Variants in ERICH3 observed in about 807,000 individuals in gnomAD.
ERICH3 encodes the protein glutamate rich 3.
A neutral mutation model predicts 131.1 loss-of-function variants in ERICH3; 126 were observed. The ratio of observed to expected loss-of-function variants is 0.96; its 90% CI spans 0.83 to 1.11. The LOEUF (loss-of-function observed/expected upper bound fraction) is 1.11. Among genes scored for constraint, ERICH3 ranks in the 50% most tolerant of loss-of-function variants. ERICH3 has a pLI of 0.00. For synonymous variants in ERICH3, 695 were observed against 644.6 expected (o/e 1.08, Z -1.18); for missense variants, 2,050 against 1,810.7 (o/e 1.13, Z -2.40).
chr1:74,579,052 G>T (rs967102869), intron 12 of ERICH3, among the ~76,000 whole-genome samples: 1 of 151,926 alleles, frequency 6.6e-6, no homozygotes. Flanking sequence ...AGATTATATC[G>T]ACTCAAGACA....
At chr1:74,580,047 C>T in intron 12 of ERICH3, 1 of 303,402 alleles carries the variant, frequency 3.3e-6, no homozygotes, top group Non-Finnish European at 4.8e-6. Context: ...TGTATTTTCC[C>T]TAAATATGGA....
chr1:74,656,306 T>G lies in ERICH3; in HGVS notation c.24-6991A>C, dbSNP rs150059655. ...ATCTAGGTTGCCTTAATAAATGCTT[T>G]GGACTGATGACCTTGGCATTTAGTG... is the stretch of plus-strand genomic sequence containing the variant. On this transcript the variant is annotated intron_variant, in intron 1 of 14. Transcript: ENST00000326665. Among the ~76,000 whole-genome samples, 18 of 152,300 alleles carry G rather than the reference T, an allele frequency of 1.2e-4. No individual in the cohort carries two copies. In the East Asian group the frequency reaches 3.3e-3, roughly 28 times the overall value.
chr1:74,598,811 A>T (rs1647978345), intron 11 of ERICH3, among the ~76,000 whole-genome samples: 2 of 151,912 alleles, frequency 1.3e-5, no homozygotes, highest in Non-Finnish European at 2.9e-5. Flanking sequence ...CTTGTTAGGA[A>T]TGTGAATTAT....
Position 74,649,292 on chromosome 1 carries a change from A to G in ERICH3, c.47T>C (p.Leu16Pro), listed in dbSNP as rs1416716892. ...PAGLLAAYNS[L>P]MDKHLAGYFN... The stretch of plus-strand genomic sequence containing the variant: ...ATACCCAGCCAGGTGTTTATCCATA[A>G]GGCTATTATATGCAGCAAGTAACCT... The change falls in exon 2 of 15, where the codon CTT becomes CCT. Residue 16 changes from leucine (L) to proline (P), a missense_variant. Coordinates refer to ENST00000326665, the MANE Select transcript of ERICH3 (RefSeq NM_001002912.5). 1.2e-6 allele frequency: 2 copies of G among 1,612,262 alleles called. No homozygotes were observed. The highest frequency in any genetic ancestry group is 1.7e-6 in the Non-Finnish European group (2 of 1,179,092).
intron 11 of ERICH3, among the ~76,000 whole-genome samples, chr1:74,595,446 T>C (rs1647802365): frequency 6.6e-6 from 1 of 152,132 alleles, no homozygotes; most frequent in Non-Finnish European, 1.5e-5. Context: ...GACAAGTATA[T>C]GTAAGAATAC....
At chr1:74,656,703 C>A (rs1646588110) in intron 1 of ERICH3, among the ~76,000 whole-genome samples, 1 of 152,200 alleles carries the variant, frequency 6.6e-6, no homozygotes, top group South Asian at 2.1e-4. Context: ...AAAATACCCA[C>A]ATAGAATCTG....
chr1:74,572,470 C>G lies in ERICH3; in HGVS notation c.3240G>C (p.Val1080=). The G allele has an allele frequency of 6.2e-7, 1 of 1,614,122 alleles. No individual in the cohort carries two copies. Among genetic ancestry groups the G allele is most frequent in the Non-Finnish European group, 8.5e-7 (1 of 1,180,026 alleles). ...LRKTDSEREE[V]TRANALKDED... is the part of the protein sequence containing the mutation. Reference sequence around the variant, plus strand: ...CATCCTTGAGTGCATTTGCCCTTGTCACCTCTTCTCTCTCAGAGTCAGTTT... The same window carrying G: ...CATCCTTGAGTGCATTTGCCCTTGTGACCTCTTCTCTCTCAGAGTCAGTTT... The change falls in exon 14 of 15, where the codon GTG becomes GTC. Residue 1080 remains valine, a synonymous_variant. Transcript: ENST00000326665.
rs575527180 is a variant in ERICH3, at chr1:74,614,759, C to T, written c.1001-1950G>A. On this transcript the variant is annotated intron_variant, in intron 8 of 14. Coordinates refer to ENST00000326665, the MANE Select transcript of ERICH3 (RefSeq NM_001002912.5). ...AAAAAGGTAATTCAGTCATTTATAC[C>T]TTAGTATTTCTGATGTAAAATTAAA... 2.0e-5 allele frequency among the ~76,000 whole-genome samples: 3 copies of T among 151,646 alleles called. No homozygotes were observed. The East Asian group carries it at 5.8e-4, about 29-fold the overall frequency.
In ERICH3 at chr1:74,599,775, T is replaced by A. The variant is rs144693779; in HGVS notation, c.1646A>T (p.Gln549Leu). The A allele has an allele frequency of 8.9e-5, 143 of 1,612,540 alleles. No individual in the cohort carries two copies. In the African/African-American group the frequency reaches 1.8e-3, roughly 20 times the overall value. Residue 549 changes from glutamine to leucine, a missense_variant, in exon 11 of 15, where the codon CAG becomes CTG. Coordinates refer to ENST00000326665, the MANE Select transcript of ERICH3 (RefSeq NM_001002912.5). ...DPEKESETSS[Q>L]KAPDARDNVK... ...ATTGTCACGGGCATCTGGTGCCTTCTGTGATGAGGTTTCACTCTCTTTTTC... is the reference window on the plus strand; with the variant it reads ...ATTGTCACGGGCATCTGGTGCCTTCAGTGATGAGGTTTCACTCTCTTTTTC...
chr1:74,671,214 C>T (rs1194176275), intron 1 of ERICH3, among the ~76,000 whole-genome samples: 2 of 92,484 alleles, frequency 2.2e-5, no homozygotes, highest in African/African-American at 6.8e-5. Flanking sequence ...TTGTCCTTTA[C>T]CTTGTGATCT....
At chr1:74,671,510 C>A (rs1157179978) in intron 1 of ERICH3, among the ~76,000 whole-genome samples, 1 of 152,180 alleles carries the variant, frequency 6.6e-6, no homozygotes, top group South Asian at 2.1e-4. Flanking sequence ...CTGTAAAATT[C>A]CTCTCTTTAT....
intron 11 of ERICH3, among the ~76,000 whole-genome samples, chr1:74,590,882 A>G (rs1301270826): frequency 6.6e-6 from 1 of 152,186 alleles, no homozygotes; most frequent in African/African-American, 2.4e-5. Flanking sequence ...TGTTTTTTGA[A>G]AGCCATTTTT....
chr1:74,583,806 C>T (rs1030053575), intron 12 of ERICH3, among the ~76,000 whole-genome samples: 13 of 152,122 alleles, frequency 8.5e-5, no homozygotes, highest in South Asian at 2.1e-4. Context: ...ATTTGGTATA[C>T]GTTACATCTT....
chr1:74,597,703 T>C (rs1005078854), intron 11 of ERICH3, among the ~76,000 whole-genome samples: 1 of 151,976 alleles, frequency 6.6e-6, no homozygotes, highest in Non-Finnish European at 1.5e-5. Flanking sequence ...AAATATCTTT[T>C]GAGAAATCAG....
At chr1:74,606,000 G>A (rs545723150) in intron 10 of ERICH3, among the ~76,000 whole-genome samples, 28 of 141,248 alleles carry the variant, frequency 2.0e-4, no homozygotes, top group East Asian at 4.6e-4. Context: ...ATATGAATGC[G>A]CGTGTGTCTG....
At chr1:74,654,421 C>T (rs1031069298) in intron 1 of ERICH3, among the ~76,000 whole-genome samples, 1 of 151,840 alleles carries the variant, frequency 6.6e-6, no homozygotes, top group African/African-American at 2.4e-5. Flanking sequence ...TACTGTTTCT[C>T]TTAGTTTCTT....
At chr1:74,586,632 A>G (rs1647341841) in intron 12 of ERICH3, 1 of 482,082 alleles carries the variant, frequency 2.1e-6, no homozygotes, top group Non-Finnish European at 2.7e-6. Flanking sequence ...TAAATTTGAA[A>G]TAATCTTAGT....
chr1:74,615,478 T>C (rs958687012), intron 8 of ERICH3, among the ~76,000 whole-genome samples: 6 of 152,214 alleles, frequency 3.9e-5, no homozygotes, highest in African/African-American at 1.4e-4. Flanking sequence ...CAGTTAATTA[T>C]TTATTGTTCA....
chr1:74,634,665 C>G, intron 6 of ERICH3: 1 of 714,556 alleles, frequency 1.4e-6, no homozygotes, highest in Non-Finnish European at 2.6e-6. Context: ...ATATAATCAC[C>G]TTGGCAAGCA....
Sources: gnomAD v4.1 joint callset for allele counts (sites outside exome capture counted in the v4.1 genomes callset) on GRCh38, gnomAD v4.1.1 for gene constraint, MANE v1.5 for transcripts, NCBI Gene and HGNC (gene_info 2026-07-23, HGNC 2026-07-21) for gene names.